Variants in DNAH9 observed in about 807,000 individuals in gnomAD.
DNAH9 encodes dynein axonemal heavy chain 9.
A neutral mutation model predicts 471.6 loss-of-function variants in DNAH9; 345 were observed. The ratio of observed to expected loss-of-function variants is 0.73; its 90% CI spans 0.67 to 0.80. The LOEUF (loss-of-function observed/expected upper bound fraction) is 0.80. Ranked by LOEUF, DNAH9 falls within the 30% of genes least tolerant of loss-of-function variation. The pLI, the probability that DNAH9 is intolerant of heterozygous loss-of-function variation, is 0.00. For synonymous variants in DNAH9, 2,093 were observed against 2,123.6 expected, an observed-to-expected ratio of 0.99 and a Z score of 0.40; for missense variants, 5,407 against 5,609.2, an observed-to-expected ratio of 0.96 and a Z score of 1.15.
intron 39 of DNAH9, 31 bp downstream of exon 39, chr17:11,781,205 A>G: frequency 1.2e-6 from 2 of 1,604,240 alleles, no homozygotes; most frequent in Non-Finnish European, 8.5e-7. Flanking sequence ...GGACTGGCCC[A>G]AGGGAGCAGA....
chr17:11,892,094 C>A lies in DNAH9; in HGVS notation c.11283+147C>A. The A allele has an allele frequency of 1.1e-6, 1 of 930,832 alleles. No individual in the cohort carries two copies. Among genetic ancestry groups the A allele is most frequent in the Non-Finnish European group, 1.6e-6 (1 of 615,200 alleles). 57.7% of individuals were successfully genotyped at this position (930,832 alleles called of 1,614,324 possible). A position where few individuals can be genotyped will look rare whatever the true frequency, so the allele number is the denominator to read the frequency against. ...GGATAGAGGCATCAGACAAGAAGGT[C>A]CAATGTGGTGTGTGCATCTGCCCCC... On this transcript the variant is annotated intron_variant, in intron 58 of 68. Transcript: ENST00000262442. The surrounding 1 kb of genome is among the most constrained non-coding windows in gnomAD (Gnocchi z 4.3).
At chr17:11,897,814 G>T (rs1973267115) in intron 59 of DNAH9, among the ~76,000 whole-genome samples, 1 of 152,236 alleles carries the variant, frequency 6.6e-6, no homozygotes, top group Admixed American at 6.5e-5. Flanking sequence ...GATTGGTTAT[G>T]GTTGCTGTAT....
At chr17:11,868,271 G>A (rs573740273) in intron 50 of DNAH9, among the ~76,000 whole-genome samples, 1 of 152,198 alleles carries the variant, frequency 6.6e-6, no homozygotes, top group East Asian at 1.9e-4. Context: ...TAAACTGCTT[G>A]GATGTTTAAG....
In DNAH9 at chr17:11,615,110, G is replaced by A. The variant is rs533148806; in HGVS notation, c.905-2301G>A. ...CCCATTCTCCCAAGCAGCACTCAGC[G>A]AAGTCAAATTGGTAGCCTAGAAATG... On this transcript the variant is annotated intron_variant, in intron 4 of 68. Transcript: ENST00000262442. Among the ~76,000 whole-genome samples, 9 of 152,236 alleles carry A rather than the reference G, an allele frequency of 5.9e-5. 1 individual carries two copies. In the East Asian group the frequency reaches 7.7e-4, roughly 13 times the overall value.
rs541296662 is a variant in DNAH9, at chr17:11,841,065, T to A, written c.9507+6167T>A. Reference sequence around the variant, plus strand: ...TATCCAAAATAGCTGTTCTTACAGTTCTGAACACTGCTCCTCCCACATCCT... The same window carrying A: ...TATCCAAAATAGCTGTTCTTACAGTACTGAACACTGCTCCTCCCACATCCT... On this transcript the variant is annotated intron_variant, in intron 49 of 68. Transcript: ENST00000262442. 1.3e-3 allele frequency among the ~76,000 whole-genome samples: 191 copies of A among 152,370 alleles called. 1 individual carries two copies. The highest frequency in any genetic ancestry group is 6.8e-3 in the Middle Eastern group (2 of 294).
rs535620724 is a variant in DNAH9 at position 11,687,609 on chromosome 17, G to A, written c.3744-1957G>A. 1.2e-3 allele frequency among the ~76,000 whole-genome samples: 180 copies of A among 152,140 alleles called. 2 individuals are homozygous for A. The highest frequency in any genetic ancestry group is 2.3e-3 in the Non-Finnish European group (156 of 68,034). On this transcript the variant is annotated intron_variant, in intron 19 of 68. Transcript: ENST00000262442. ...GAGGAAACGGCCGATTCTCTAGTTA[G>A]TCATTTCCTCACAACCTTCCCTTTG...
intron 41 of DNAH9, among the ~76,000 whole-genome samples, chr17:11,787,176 G>A (rs1968903987): frequency 6.6e-6 from 1 of 152,250 alleles, no homozygotes; most frequent in Admixed American, 6.5e-5. Context: ...CCACGTGGTG[G>A]AAGAAGATTT....
intron 49 of DNAH9, among the ~76,000 whole-genome samples, chr17:11,838,193 G>C (rs1028581720): frequency 1.3e-5 from 2 of 152,166 alleles, no homozygotes; most frequent in Non-Finnish European, 2.9e-5. Flanking sequence ...GAAGTCACTT[G>C]ATAATGTCTT....
intron 45 of DNAH9, among the ~76,000 whole-genome samples, chr17:11,817,051 G>A (rs967169582): frequency 2.8e-5 from 4 of 145,268 alleles, no homozygotes; most frequent in Non-Finnish European, 4.4e-5. Flanking sequence ...AGAGCGAGCC[G>A]TCTCAAAAAA....
Position 11,744,898 on chromosome 17 carries a change from G to T in DNAH9, c.6213G>T (p.Met2071Ile). The part of the protein sequence containing the change: ...DPDRPEDQVL[M>I]RSLRDFNIPK... ...ACCGGCCTGAGGACCAGGTCCTGAT[G>T]CGCTCCTTGCGGGATTTCAACATCC... Residue 2071 changes from methionine (M) to isoleucine (I), a missense_variant, in exon 31 of 69, where the codon ATG (methionine) becomes ATT (isoleucine). Met to Ile is a conservative substitution (Grantham distance 10). Around this residue, in one of 3 missense-constraint regions of DNAH9, gnomAD observed 4,636 missense variants for 4,900.3 expected, o/e 0.95. Coordinates refer to ENST00000262442, the MANE Select transcript of DNAH9 (RefSeq NM_001372.4). 1 of 1,614,200 alleles carries T rather than the reference G, an allele frequency of 6.2e-7. No individual in the cohort carries two copies. Among genetic ancestry groups the T allele is most frequent in the East Asian group, 2.2e-5 (1 of 44,870 alleles).
Position 11,808,757 on chromosome 17 carries a change from G to A in DNAH9, c.8583+863G>A, listed in dbSNP as rs146101059. 4.7e-3 allele frequency among the ~76,000 whole-genome samples: 720 copies of A among 152,222 alleles called. 6 individuals carry two copies. The highest frequency in any genetic ancestry group is 0.014 in the African/African-American group (590 of 41,540). On this transcript the variant is annotated intron_variant, in intron 44 of 68. Transcript: ENST00000262442. ...TTTTACTCTATATGGGAATCGCTGG[G>A]GATCTAGAAAGAATACTGATGCCTG...
intron 19 of DNAH9, 89 bp downstream of exon 19, chr17:11,680,978 C>A: frequency 8.1e-7 from 1 of 1,234,474 alleles, no homozygotes; most frequent in Admixed American, 2.4e-5. Context: ...GTGTATTCTT[C>A]CAGCAGCTGC....
At chr17:11,775,046 C>G (rs1024576792) in intron 38 of DNAH9, among the ~76,000 whole-genome samples, 1 of 152,140 alleles carries the variant, frequency 6.6e-6, no homozygotes, top group Non-Finnish European at 1.5e-5. Flanking sequence ...TGCCCTGTTT[C>G]AGACAACAAC....
intron 2 of DNAH9, 55 bp from the exon 3 acceptor site, chr17:11,610,341 C>T (rs924337729): frequency 2.8e-5 from 40 of 1,454,074 alleles, no homozygotes; most frequent in Middle Eastern, 2.2e-4. Context: ...GTTATTTTCA[C>T]GCCTCAGGGT....
intron 38 of DNAH9, among the ~76,000 whole-genome samples, chr17:11,779,336 T>C (rs1198551108): frequency 6.6e-6 from 1 of 152,156 alleles, no homozygotes; most frequent in Non-Finnish European, 1.5e-5. Context: ...TCAAACCCTC[T>C]TCTTCTCCTC....
Position 11,962,062 on chromosome 17 carries a change from A to C in DNAH9, c.13039A>C (p.Thr4347Pro), listed in dbSNP as rs141738744. The C allele has an allele frequency of 2.5e-6, 4 of 1,614,206 alleles. No homozygotes were observed. The highest frequency in any genetic ancestry group is 3.4e-6 in the Non-Finnish European group (4 of 1,180,040). ...TACAATGCCCTCCACTGTGTGGCTG[A>C]CAGGCTTCTTCAACCCCCAGTCGTT... ...DFTMPSTVWLTGFFNPQSFLT... is the reference protein window; with the variant it reads ...DFTMPSTVWLPGFFNPQSFLT... Residue 4347 changes from threonine to proline, a missense_variant, in exon 68 of 69, where the codon ACA becomes CCA. By Grantham distance (38) the Thr-to-Pro change is conservative. Coordinates refer to ENST00000262442, the MANE Select transcript of DNAH9 (RefSeq NM_001372.4). The surrounding 1 kb of genome is among the most constrained non-coding windows in gnomAD (Gnocchi z 4.1).
intron 1 of DNAH9, among the ~76,000 whole-genome samples, chr17:11,604,322 TCTTCCCAACTTCTTAA>T (rs1486543974): frequency 6.6e-6 from 1 of 152,118 alleles, no homozygotes; most frequent in African/African-American, 2.4e-5. Flanking sequence ...GCGCCCGTCC[TCTTCCCAACTTCTTAA>T]CACCAGATGG....
At chr17:11,701,374 C>G in intron 24 of DNAH9, 127 bp downstream of exon 24, 6 of 1,052,304 alleles carry the variant, frequency 5.7e-6, no homozygotes, top group Non-Finnish European at 8.4e-6. Flanking sequence ...GGCTTGAATC[C>G]CAGACCACTG....
At chr17:11,951,798 C>G (rs1343965704) in intron 67 of DNAH9, among the ~76,000 whole-genome samples, 3 of 151,764 alleles carry the variant, frequency 2.0e-5, no homozygotes, top group African/African-American at 7.3e-5. Flanking sequence ...TGGCAGCTGC[C>G]TGTAATCCCA....
Sources: allele counts gnomAD v4.1 joint callset (sites outside exome capture counted in the v4.1 genomes callset), GRCh38; gene constraint gnomAD v4.1.1; regional missense constraint gnomAD v4.1.1; non-coding constraint Gnocchi (gnomAD v3.1); transcripts MANE v1.5; gene names NCBI Gene and HGNC (gene_info 2026-07-23, HGNC 2026-07-21).